OPRPN: variants seen among roughly 807,000 people sequenced by gnomAD.
The protein encoded by OPRPN is basic proline-rich lacrimal protein.
OPRPN carries 1 observed loss-of-function variant against 2.2 expected under a neutral mutation model. The ratio of observed to expected loss-of-function variants is 0.45; its 90% CI spans 0.16 to 2.15. OPRPN has a LOEUF of 2.15. OPRPN is among the 30% of genes most tolerant of loss of function. The probability of loss-of-function intolerance (pLI) is 0.28; values close to 1 mark genes in which losing one functional copy is unlikely to be tolerated. For synonymous variants in OPRPN, 126 were observed against 111.5 expected (o/e 1.13, Z -0.82); for missense variants, 306 against 297.3 (o/e 1.03, Z -0.21).
chr4:70,402,067 G>A (rs1164716681), intron 2 of OPRPN, among the ~76,000 whole-genome samples: 2 of 152,062 alleles, frequency 1.3e-5, no homozygotes, highest in East Asian at 3.8e-4. Flanking sequence ...CAAAAGCAAA[G>A]CAAAACCTTT....
At chr4:70,400,765 A>C (rs1732963303) in intron 2 of OPRPN, among the ~76,000 whole-genome samples, 1 of 152,060 alleles carries the variant, frequency 6.6e-6, no homozygotes, top group Admixed American at 6.6e-5. Context: ...ATTAGAATTA[A>C]TTATCAAATT....
At chr4:70,402,916 G>T (rs757760197) in intron 2 of OPRPN, among the ~76,000 whole-genome samples, 4 of 151,976 alleles carry the variant, frequency 2.6e-5, no homozygotes, top group Non-Finnish European at 5.9e-5. Flanking sequence ...TTAGAGGAGG[G>T]TGAGGCTGCA....
intron 2 of OPRPN, among the ~76,000 whole-genome samples, chr4:70,399,779 A>C (rs1732933060): frequency 6.6e-6 from 1 of 152,016 alleles, no homozygotes; most frequent in Non-Finnish European, 1.5e-5. Flanking sequence ...TGCTGATTGT[A>C]CAATAGTTTT....
In OPRPN at chr4:70,409,527, C is replaced by A. The variant is rs751360420; in HGVS notation, c.199C>A (p.Pro67Thr). 7.4e-6 allele frequency: 12 copies of A among 1,613,786 alleles called. No individual in the cohort carries two copies. In the Admixed American group the frequency reaches 8.3e-5, roughly 11 times the overall value. The change falls in exon 3 of 3, where the codon CCA (proline) becomes ACA (threonine). Residue 67 changes from proline to threonine, a missense_variant. Pro to Thr is a conservative substitution (Grantham distance 38). Coordinates refer to ENST00000399575, the MANE Select transcript of OPRPN (RefSeq NM_021225.5). ...LNSPLSLPFV[P>T]GRVPPSSFSR... ...TTCACCACTTTCTCTTCCCTTTGTC[C>A]CAGGGCGAGTTCCACCATCTTCTTT...
At position 70,410,063 on chromosome 4, in the gene OPRPN, C is replaced by T. The variant is rs1265579074; in HGVS notation, c.735C>T (p.Ala245=). ...AFKSFWQKLF[A]IFG The stretch of plus-strand genomic sequence containing the variant: ...AAAGTTTTTGGCAAAAACTCTTTGC[C>T]ATTTTTGGTTGAACATGCAATAAAT... The change falls in exon 3 of 3, where the codon GCC becomes GCT. Residue 245 remains alanine (A), a synonymous_variant. Transcript: ENST00000399575. The T allele has an allele frequency of 6.5e-7, 1 of 1,549,844 alleles. No homozygotes were observed. The highest frequency in any genetic ancestry group is 2.3e-5 in the East Asian group (1 of 44,350).
At chr4:70,402,938 G>A (rs1026840495) in intron 2 of OPRPN, among the ~76,000 whole-genome samples, 1 of 152,002 alleles carries the variant, frequency 6.6e-6, no homozygotes, top group African/African-American at 2.4e-5. Flanking sequence ...CAGGTCTCAT[G>A]GGCTTTTGCA....
rs754848878 is a variant in OPRPN at position 70,409,802 on chromosome 4, C to T, written c.474C>T (p.Pro158=). The change falls in exon 3 of 3, where the codon CCC becomes CCT. Residue 158 remains proline (P), a synonymous_variant. Transcript: ENST00000399575. ...TADTTITTNP[P]TTATATTSTS... is the part of the protein sequence containing the mutation. ...ATACAACAATCACCACAAATCCCCCCACCACTGCAACAGCAACCACCAGCA... is the reference window on the plus strand; with the variant it reads ...ATACAACAATCACCACAAATCCCCCTACCACTGCAACAGCAACCACCAGCA... The T allele has an allele frequency of 3.1e-6, 5 of 1,613,112 alleles. No individual in the cohort carries two copies. Among genetic ancestry groups the T allele is most frequent in the Admixed American group, 3.3e-5 (2 of 59,904 alleles).
chr4:70,409,146 C>A lies in OPRPN; in HGVS notation c.52-234C>A, dbSNP rs150559642. Among the ~76,000 whole-genome samples the A allele has an allele frequency of 4.6e-3, 693 of 152,110 alleles. 8 individuals carry two copies. The highest frequency in any genetic ancestry group is 0.016 in the African/African-American group (664 of 41,480). ...AAGGTTACCACTTTTTTGGTTTTTTCTCATTTAATACTATTCTACTTTTCT... is the reference window on the plus strand; with the variant it reads ...AAGGTTACCACTTTTTTGGTTTTTTATCATTTAATACTATTCTACTTTTCT... On this transcript the variant is annotated intron_variant, in intron 2 of 2. Coordinates refer to ENST00000399575, the MANE Select transcript of OPRPN (RefSeq NM_021225.5).
At chr4:70,403,939 TTC>T (rs1439359008) in intron 2 of OPRPN, among the ~76,000 whole-genome samples, 1 of 152,168 alleles carries the variant, frequency 6.6e-6, no homozygotes, top group Admixed American at 6.5e-5. Context: ...CAATTTTTCC[TTC>T]TCTCTATTGA....
chr4:70,399,560 C>CA, intron 2 of OPRPN: 1 of 441,722 alleles, frequency 2.3e-6, no homozygotes, highest in Non-Finnish European at 4.1e-6. Context: ...GAAGAGGACA[C>CA]AGGGCAGGTA....
rs1199871181 is a variant in OPRPN, at chr4:70,399,277, C to G, written c.-9C>G. On this transcript the variant is annotated 5_prime_UTR_variant, in exon 2 of 3. Coordinates refer to ENST00000399575, the MANE Select transcript of OPRPN (RefSeq NM_021225.5). ...ATCTTTGGCCTGTTTGTAGGAGCAACTTTAAAGAATGAAATTAACTTTCTT... is the reference window on the plus strand; with the variant it reads ...ATCTTTGGCCTGTTTGTAGGAGCAAGTTTAAAGAATGAAATTAACTTTCTT... 2 of 1,600,470 alleles carry G rather than the reference C, an allele frequency of 1.2e-6. No homozygotes were observed. Among genetic ancestry groups the G allele is most frequent in the Non-Finnish European group, 1.7e-6 (2 of 1,169,820 alleles).
chr4:70,401,915 CAGTT>C (rs1732990952), intron 2 of OPRPN, among the ~76,000 whole-genome samples: 1 of 152,012 alleles, frequency 6.6e-6, no homozygotes, highest in African/African-American at 2.4e-5. Flanking sequence ...TGTCAGCTGT[CAGTT>C]GGTTAAGCTG....
At chr4:70,403,228 C>T (rs1733018431) in intron 2 of OPRPN, among the ~76,000 whole-genome samples, 1 of 152,062 alleles carries the variant, frequency 6.6e-6, no homozygotes, top group African/African-American at 2.4e-5. Flanking sequence ...GTAATAATAG[C>T]CAGAGCAGGA....
intron 2 of OPRPN, among the ~76,000 whole-genome samples, chr4:70,408,298 C>T (rs192815706): frequency 3.7e-4 from 57 of 152,232 alleles, no homozygotes; most frequent in Admixed American, 3.4e-3. Context: ...TTCTGATGGT[C>T]GCTAGAATAG....
Position 70,409,529 on chromosome 4 carries a change from AG to A in OPRPN, c.204del (p.Arg69GlufsTer41). The A allele has an allele frequency of 6.2e-7, 1 of 1,613,960 alleles. No homozygotes were observed. The highest frequency in any genetic ancestry group is 1.3e-5 in the African/African-American group (1 of 75,004). Reference sequence around the variant, plus strand: ...CACCACTTTCTCTTCCCTTTGTCCCAGGGCGAGTTCCACCATCTTCTTTCTC... The same window carrying A: ...CACCACTTTCTCTTCCCTTTGTCCCAGGCGAGTTCCACCATCTTCTTTCTC... ...NSPLSLPFVPGRVPPSSFSRF... is the reference protein window; with the variant it reads ...NSPLSLPFVPXRVPPSSFSRF... On this transcript the variant is annotated frameshift_variant, in exon 3 of 3. Coordinates refer to ENST00000399575, the MANE Select transcript of OPRPN (RefSeq NM_021225.5). LOFTEE classifies it low-confidence loss of function (END_TRUNC).
chr4:70,409,533 C>A lies in OPRPN; in HGVS notation c.205C>A (p.Arg69=), dbSNP rs201644946. The A allele has an allele frequency of 6.2e-7, 1 of 1,613,888 alleles. No homozygotes were observed. The highest frequency in any genetic ancestry group is 8.5e-7 in the Non-Finnish European group (1 of 1,179,886). Residue 69 remains arginine (R), a synonymous_variant, in exon 3 of 3, where the codon CGA becomes AGA. Coordinates refer to ENST00000399575, the MANE Select transcript of OPRPN (RefSeq NM_021225.5). The stretch of plus-strand genomic sequence containing the variant: ...ACTTTCTCTTCCCTTTGTCCCAGGG[C>A]GAGTTCCACCATCTTCTTTCTCTCG... ...SPLSLPFVPG[R]VPPSSFSRFS...
intron 2 of OPRPN, among the ~76,000 whole-genome samples, chr4:70,400,605 C>T (rs1732956988): frequency 6.6e-6 from 1 of 151,824 alleles, no homozygotes; most frequent in African/African-American, 2.4e-5. Context: ...GATACTCTTA[C>T]TCAAGCTGAA....
intron 2 of OPRPN, among the ~76,000 whole-genome samples, chr4:70,406,224 A>G (rs2109771564): frequency 6.6e-6 from 1 of 152,344 alleles, no homozygotes; most frequent in Admixed American, 6.5e-5. Context: ...AAAAAGAACA[A>G]AGATACCTAA....
At chr4:70,402,292 C>A (rs1285686869) in intron 2 of OPRPN, among the ~76,000 whole-genome samples, 1 of 151,984 alleles carries the variant, frequency 6.6e-6, no homozygotes, top group Non-Finnish European at 1.5e-5. Context: ...TGTTGGTCAG[C>A]AAATAACATT....
Sources: gnomAD v4.1 joint callset for allele counts (sites outside exome capture counted in the v4.1 genomes callset) on GRCh38, gnomAD v4.1.1 for gene constraint, MANE v1.5 for transcripts, NCBI Gene and HGNC (gene_info 2026-07-23, HGNC 2026-07-21) for gene names.